THSD7B: variants seen among roughly 807,000 people sequenced by gnomAD.
THSD7B encodes the protein thrombospondin type-1 domain-containing protein 7B.
THSD7B carries 138 observed loss-of-function variants against 213.6 expected under a neutral mutation model. The observed-to-expected ratio is 0.65, with a 90% CI of 0.56 to 0.74. The LOEUF is 0.74. Among genes scored for constraint, THSD7B ranks in the 30% least tolerant of loss-of-function variants. The probability of loss-of-function intolerance (pLI) is 0.00; values close to 1 mark genes in which losing one functional copy is unlikely to be tolerated. For missense variants in THSD7B, 1,931 were observed against 1,991.5 expected (o/e 0.97, Z 0.58); for synonymous variants, 742 against 687.0 (o/e 1.08, Z -1.25).
intron 16 of THSD7B, among the ~76,000 whole-genome samples, chr2:137,565,831 T>C (rs1681226626): frequency 6.6e-6 from 1 of 152,168 alleles, no homozygotes; most frequent in African/African-American, 2.4e-5. Flanking sequence ...TCCACTCTGA[T>C]GACTTAATCT....
chr2:137,482,206 G>T (rs958947120), intron 15 of THSD7B, among the ~76,000 whole-genome samples: 3 of 149,612 alleles, frequency 2.0e-5, no homozygotes, highest in Non-Finnish European at 4.4e-5. Context: ...AAAAAAAAGG[G>T]TTTAGCCATA....
intron 14 of THSD7B, among the ~76,000 whole-genome samples, chr2:137,449,591 T>G (rs1426368020): frequency 6.6e-6 from 1 of 152,188 alleles, no homozygotes; most frequent in Non-Finnish European, 1.5e-5. Flanking sequence ...CCCATGCACC[T>G]GTGGGCCTGA....
At chr2:137,245,985 G>C (rs1043329558) in intron 10 of THSD7B, among the ~76,000 whole-genome samples, 11 of 152,130 alleles carry the variant, frequency 7.2e-5, no homozygotes, top group African/African-American at 2.7e-4. Context: ...ATATATGTTG[G>C]GTATAAAGCT....
At chr2:137,180,055 C>T (rs147027653) in intron 7 of THSD7B, among the ~76,000 whole-genome samples, 18 of 152,036 alleles carry the variant, frequency 1.2e-4, no homozygotes, top group African/African-American at 4.1e-4. Flanking sequence ...AAATGGGTAA[C>T]GTTAAATTTA....
rs558986941 is a variant in THSD7B at position 137,579,762 on chromosome 2, G to A, written c.3423+7206G>A. ...ATTTGGAATTCAGTACTTTCAAGTCGGCTGTCAGTTATCAGATAAGTTTTC... is the reference window on the plus strand; with the variant it reads ...ATTTGGAATTCAGTACTTTCAAGTCAGCTGTCAGTTATCAGATAAGTTTTC... On this transcript the variant is annotated intron_variant, in intron 17 of 27. Coordinates refer to ENST00000409968, the MANE Select transcript of THSD7B (RefSeq NM_001316349.2). Among the ~76,000 whole-genome samples, 16 of 152,092 alleles carry A rather than the reference G, an allele frequency of 1.1e-4. 1 individual carries two copies. Among genetic ancestry groups the A allele is most frequent in the Middle Eastern group, 3.4e-3 (1 of 294 alleles).
At chr2:137,515,252 C>G (rs906752674) in intron 15 of THSD7B, among the ~76,000 whole-genome samples, 1 of 152,136 alleles carries the variant, frequency 6.6e-6, no homozygotes, top group Non-Finnish European at 1.5e-5. Flanking sequence ...CCAGAAGAAA[C>G]AGCTTCCCCA....
At chr2:137,431,018 T>C (rs1687169569) in intron 14 of THSD7B, among the ~76,000 whole-genome samples, 1 of 152,150 alleles carries the variant, frequency 6.6e-6, no homozygotes, top group South Asian at 2.1e-4. Flanking sequence ...TCAAACTCTA[T>C]AAAATATTTG....
At chr2:137,275,328 A>T (rs975057726) in intron 11 of THSD7B, among the ~76,000 whole-genome samples, 13 of 152,022 alleles carry the variant, frequency 8.6e-5, no homozygotes, top group Non-Finnish European at 1.8e-4. Flanking sequence ...ACCTATTGAG[A>T]TGTTTGATTT....
intron 6 of THSD7B, among the ~76,000 whole-genome samples, chr2:137,165,694 T>A (rs190597287): frequency 6.6e-6 from 1 of 152,220 alleles, no homozygotes; most frequent in East Asian, 1.9e-4. Flanking sequence ...TACTCTAAAA[T>A]GCAGTGATTC....
At chr2:136,775,502 T>C (rs1348007000) in intron 1 of THSD7B, among the ~76,000 whole-genome samples, 1 of 152,102 alleles carries the variant, frequency 6.6e-6, no homozygotes, top group African/African-American at 2.4e-5. Context: ...AGATGTACCC[T>C]TAATCATACA....
intron 2 of THSD7B, among the ~76,000 whole-genome samples, chr2:137,030,477 C>G (rs574316737): frequency 1.3e-5 from 2 of 152,090 alleles, no homozygotes; most frequent in African/African-American, 4.8e-5. Context: ...GCTGTGAGAT[C>G]TTGAACAGAC....
intron 12 of THSD7B, among the ~76,000 whole-genome samples, chr2:137,372,292 G>A (rs936463619): frequency 4.9e-5 from 7 of 143,384 alleles, no homozygotes; most frequent in African/African-American, 1.8e-4. Flanking sequence ...TATGCCTTTG[G>A]CCCACAGGCC....
At chr2:137,255,033 T>C (rs957635973) in intron 10 of THSD7B, among the ~76,000 whole-genome samples, 3 of 152,160 alleles carry the variant, frequency 2.0e-5, no homozygotes, top group African/African-American at 7.2e-5. Context: ...AAACATGCAA[T>C]GTAACATTGC....
At chr2:137,312,099 A>G (rs1683928277) in intron 12 of THSD7B, among the ~76,000 whole-genome samples, 1 of 151,018 alleles carries the variant, frequency 6.6e-6, no homozygotes, top group South Asian at 2.1e-4. Context: ...TCCTCCTTGT[A>G]CCTCTGGTAG....
At chr2:137,143,083 TA>T (rs1023971205) in intron 5 of THSD7B, among the ~76,000 whole-genome samples, 1 of 152,038 alleles carries the variant, frequency 6.6e-6, no homozygotes, top group African/African-American at 2.4e-5. Context: ...CCAGGGACTT[TA>T]AAAAAATAAA....
At chr2:137,037,878 C>T (rs936866752) in intron 2 of THSD7B, among the ~76,000 whole-genome samples, 1 of 151,942 alleles carries the variant, frequency 6.6e-6, no homozygotes, top group African/African-American at 2.4e-5. Context: ...TGTTTTAAGT[C>T]ACAGATGATG....
At chr2:137,401,397 C>T (rs1352539142) in intron 12 of THSD7B, among the ~76,000 whole-genome samples, 1 of 152,106 alleles carries the variant, frequency 6.6e-6, no homozygotes, top group Non-Finnish European at 1.5e-5. Flanking sequence ...TTCATACCCT[C>T]TAGTATAATT....
intron 7 of THSD7B, among the ~76,000 whole-genome samples, chr2:137,198,520 C>T (rs1340190839): frequency 6.6e-6 from 1 of 152,186 alleles, no homozygotes; most frequent in Non-Finnish European, 1.5e-5. Flanking sequence ...CTACTGCCAA[C>T]CTCTTGGCCT....
intron 27 of THSD7B, among the ~76,000 whole-genome samples, chr2:137,670,287 T>C (rs1389557401): frequency 6.6e-6 from 1 of 152,132 alleles, no homozygotes; most frequent in East Asian, 1.9e-4. Flanking sequence ...ATAGATGAGC[T>C]CTGGCTTCCC....
Sources: gnomAD v4.1 joint callset for allele counts (sites outside exome capture counted in the v4.1 genomes callset) on GRCh38, gnomAD v4.1.1 for gene constraint, MANE v1.5 for transcripts, NCBI Gene and HGNC (gene_info 2026-07-23, HGNC 2026-07-21) for gene names.